The following NIBAN2 variants were observed in gnomAD, a reference collection of about 807,000 sequenced individuals.
The protein encoded by NIBAN2 is protein Niban 2.
A neutral mutation model predicts 81.8 loss-of-function variants in NIBAN2; 36 were observed. The observed-to-expected ratio is 0.44, with a 90% CI of 0.34 to 0.58. NIBAN2 has a LOEUF of 0.58. NIBAN2 is among the 20% of genes least tolerant of loss of function. The pLI, the probability that NIBAN2 is intolerant of heterozygous loss-of-function variation, is 0.02. For missense variants in NIBAN2, 897 were observed against 1,014.1 expected, an observed-to-expected ratio of 0.88 and a Z score of 1.57; for synonymous variants, 445 against 441.6, an observed-to-expected ratio of 1.01 and a Z score of -0.10.
rs1326271231 is a variant in NIBAN2, at chr9:127,536,632, A to G, written c.56-4854T>C. Reference sequence around the variant, plus strand: ...CTGCCGCAGCCTCTGGAGACACCACACGCCACGGATTTGGGGCAGATGTTG... The same window carrying G: ...CTGCCGCAGCCTCTGGAGACACCACGCGCCACGGATTTGGGGCAGATGTTG... On this transcript the variant is annotated intron_variant, in intron 1 of 13. Transcript: ENST00000373312. This position sits in a 1 kb window ranked among gnomAD's most constrained non-coding sequence, Gnocchi z 4.0. 1.3e-5 allele frequency among the ~76,000 whole-genome samples: 2 copies of G among 152,170 alleles called. No homozygotes were observed. The highest frequency in any genetic ancestry group is 1.5e-5 in the Non-Finnish European group (1 of 68,028).
chr9:127,568,371 C>T (rs1343936997), intron 1 of NIBAN2, among the ~76,000 whole-genome samples: 5 of 152,202 alleles, frequency 3.3e-5, no homozygotes, highest in African/African-American at 9.6e-5. Flanking sequence ...GGGCTGGGGC[C>T]CGGCGGAGCT....
intron 1 of NIBAN2, among the ~76,000 whole-genome samples, chr9:127,541,823 T>C (rs1047141086): frequency 6.6e-6 from 1 of 151,778 alleles, no homozygotes; most frequent in African/African-American, 2.4e-5. Flanking sequence ...GCAGAAGGGG[T>C]ACAACAGCAG....
intron 2 of NIBAN2, among the ~76,000 whole-genome samples, chr9:127,530,634 A>G (rs1837161025): frequency 1.3e-5 from 2 of 152,238 alleles, no homozygotes; most frequent in African/African-American, 4.8e-5. Flanking sequence ...TATTTATATC[A>G]TAGCAGATCA....
At chr9:127,511,756 A>G (rs777959678) in intron 8 of NIBAN2, among the ~76,000 whole-genome samples, 8 of 152,198 alleles carry the variant, frequency 5.3e-5, no homozygotes, top group Admixed American at 1.3e-4. Flanking sequence ...AAATGGGCAA[A>G]AGATTTGAAT....
intron 2 of NIBAN2, among the ~76,000 whole-genome samples, chr9:127,527,826 A>G (rs2132182890): frequency 6.6e-6 from 1 of 152,300 alleles, no homozygotes; most frequent in East Asian, 1.9e-4. Flanking sequence ...CCTCAGGGCA[A>G]TGATAACTTG....
At chr9:127,546,084 G>A (rs966807006) in intron 1 of NIBAN2, among the ~76,000 whole-genome samples, 3 of 152,190 alleles carry the variant, frequency 2.0e-5, no homozygotes, top group Non-Finnish European at 2.9e-5. Flanking sequence ...GCCATCCTGC[G>A]GCCCCCTGGC....
At position 127,527,301 on chromosome 9, in the gene NIBAN2, C is replaced by A. The variant is rs541599134; in HGVS notation, c.208G>T (p.Val70Phe). 1.2e-6 allele frequency: 2 copies of A among 1,613,272 alleles called. No homozygotes were observed. Among genetic ancestry groups the A allele is most frequent in the Middle Eastern group, 1.7e-4 (1 of 6,056 alleles). Reference protein sequence around the residue: ...WRKVPLDERIVFSGNLFQHQE... With the variant: ...WRKVPLDERIFFSGNLFQHQE... ...TGCTGGAAGAGGTTCCCCGAGAAGACGATGCGCTCGTCCAGTGGCACCTGT... is the reference window on the plus strand; with the variant it reads ...TGCTGGAAGAGGTTCCCCGAGAAGAAGATGCGCTCGTCCAGTGGCACCTGT... The change falls in exon 3 of 14, where the codon GTC (valine) becomes TTC (phenylalanine). Residue 70 changes from valine to phenylalanine, a missense_variant. By Grantham distance (50) the Val-to-Phe change is conservative. Transcript: ENST00000373312.
chr9:127,524,854 AG>A (rs1837030369), intron 4 of NIBAN2: 1 of 539,184 alleles, frequency 1.9e-6, no homozygotes, highest in South Asian at 2.3e-5. Context: ...TTACGAGGGA[AG>A]GTCACTGAAC....
intron 1 of NIBAN2, among the ~76,000 whole-genome samples, chr9:127,542,590 G>A (rs1007743967): frequency 3.9e-5 from 6 of 152,230 alleles, no homozygotes; most frequent in Admixed American, 1.3e-4. Context: ...CCCTTGGCTG[G>A]GTCCTGGGGA....
At chr9:127,516,377 A>C (rs1319985488) in intron 8 of NIBAN2, among the ~76,000 whole-genome samples, 2 of 151,946 alleles carry the variant, frequency 1.3e-5, no homozygotes, top group Non-Finnish European at 2.9e-5. Context: ...AAACCCCATC[A>C]CTACTAAATA....
At chr9:127,526,686 C>T (rs918827462) in intron 3 of NIBAN2, among the ~76,000 whole-genome samples, 4 of 152,150 alleles carry the variant, frequency 2.6e-5, no homozygotes, top group Non-Finnish European at 5.9e-5. Context: ...GTGGGGCTTC[C>T]CTGAGGGCTC....
At chr9:127,549,385 ATGCACG>A (rs1564314275) in intron 1 of NIBAN2, among the ~76,000 whole-genome samples, 1 of 150,662 alleles carries the variant, frequency 6.6e-6, no homozygotes, top group Non-Finnish European at 1.5e-5. Context: ...GTGCATGCAC[ATGCACG>A]CACACACACT....
chr9:127,526,978 G>A (rs994018569), intron 3 of NIBAN2, among the ~76,000 whole-genome samples: 4 of 152,090 alleles, frequency 2.6e-5, no homozygotes, highest in African/African-American at 9.7e-5. Context: ...AGGAGTCAGC[G>A]ATATTCCCCA....
At chr9:127,529,405 G>A (rs1438243345) in intron 2 of NIBAN2, among the ~76,000 whole-genome samples, 5 of 151,532 alleles carry the variant, frequency 3.3e-5, no homozygotes, top group Admixed American at 1.3e-4. Context: ...TTGGGAGGCC[G>A]AGGCAGGTGG....
In NIBAN2 at chr9:127,507,022, G is replaced by T; in HGVS notation, c.2064C>A (p.Pro688=). The change falls in exon 14 of 14, where the codon CCC becomes CCA. Residue 688 remains proline (P), a synonymous_variant. Transcript: ENST00000373312. The surrounding 1 kb of genome is among the most constrained non-coding windows in gnomAD (Gnocchi z 6.8). ...GTGAGGCAGGCGGCGAGGAGGCCTC[G>T]GGGGCGGCCTTAGGCTGGGGACTCT... ...AGESPQPKAA[P]EASSPPASPL... is the part of the protein sequence containing the mutation. The T allele has an allele frequency of 6.3e-7, 1 of 1,591,032 alleles. No homozygotes were observed. Among genetic ancestry groups the T allele is most frequent in the Non-Finnish European group, 8.6e-7 (1 of 1,167,870 alleles).
rs1259719709 is a variant in NIBAN2, at chr9:127,507,970, G to A, written c.1551C>T (p.Pro517=). 3.7e-6 allele frequency: 6 copies of A among 1,614,140 alleles called. No homozygotes were observed. Among genetic ancestry groups the A allele is most frequent in the Middle Eastern group, 1.6e-4 (1 of 6,062 alleles). The change falls in exon 13 of 14, where the codon CCC becomes CCT. Residue 517 remains proline, a synonymous_variant. Coordinates refer to ENST00000373312, the MANE Select transcript of NIBAN2 (RefSeq NM_022833.4). The surrounding 1 kb of genome is among the most constrained non-coding windows in gnomAD (Gnocchi z 6.8). ...CCTCGAAGATCAGCTCCTGGAACCG[G>A]GGCAGCTCCTGCCCGGGTGGGGCGG... is the stretch of plus-strand genomic sequence containing the variant. ...KLAPTCKSEL[P]RFQELIFEDF... is the part of the protein sequence containing the mutation.
At chr9:127,534,188 G>A (rs980180221) in intron 1 of NIBAN2, among the ~76,000 whole-genome samples, 6 of 152,176 alleles carry the variant, frequency 3.9e-5, no homozygotes, top group African/African-American at 1.2e-4. Context: ...ATTCGATGAC[G>A]GACAGGCCCT....
intron 1 of NIBAN2, among the ~76,000 whole-genome samples, chr9:127,538,630 GA>G (rs11341312): frequency 0.73 from 93,673 of 127,614 alleles, 33,343 homozygotes; most frequent in Middle Eastern, 0.79. Flanking sequence ...CCATCTCAAA[GA>G]AAAAAAAAAA....
chr9:127,533,549 C>T (rs1275139903), intron 1 of NIBAN2, among the ~76,000 whole-genome samples: 3 of 152,036 alleles, frequency 2.0e-5, no homozygotes, highest in African/African-American at 7.2e-5. Context: ...GGGAGGGTCA[C>T]TTAAGCCCAG....
Sources: gnomAD v4.1 joint callset for allele counts (sites outside exome capture counted in the v4.1 genomes callset) on GRCh38, gnomAD v4.1.1 for gene constraint, Gnocchi (gnomAD v3.1) non-coding constraint, MANE v1.5 for transcripts, NCBI Gene and HGNC (gene_info 2026-07-23, HGNC 2026-07-21) for gene names.